CEP295NL: variants seen among roughly 807,000 people sequenced by gnomAD.
CEP295NL encodes CEP295 N-terminal like.
Under a neutral mutation model 4.6 loss-of-function variants are expected in CEP295NL, and 3 were observed. The ratio of observed to expected loss-of-function variants is 0.65; its 90% CI spans 0.30 to 1.69. CEP295NL has a LOEUF of 1.69. Ranked by LOEUF, CEP295NL falls within the 40% of genes most tolerant of loss-of-function variation. The pLI is 0.10. For missense variants in CEP295NL, 719 were observed against 769.0 expected (o/e 0.93, Z 0.77); for synonymous variants, 295 against 312.2 (o/e 0.94, Z 0.58).
In CEP295NL at chr17:78,890,859, G is replaced by C. The variant is rs895877559; in HGVS notation, c.1645C>G (p.Arg549Gly). 6.4e-6 allele frequency: 10 copies of C among 1,550,576 alleles called. No homozygotes were observed. Among genetic ancestry groups the C allele is most frequent in the Middle Eastern group, 1.7e-4 (1 of 5,992 alleles). The change falls in exon 3 of 3, where the codon CGA (arginine) becomes GGA (glycine). Residue 549 changes from arginine (R) to glycine (G), a missense_variant. Coordinates refer to ENST00000322630, the MANE Select transcript of CEP295NL (RefSeq NM_001243540.2). ...GAGGAGGACTTCAGATGGGCCAGTC[G>C]AGCTCTTCTTTGCTCCCTCCTCTCT... is the stretch of plus-strand genomic sequence containing the variant. ...EKERREQRRA[R>G]LAHLKSSSTR...
chr17:78,892,998 G>A (rs1330712933), intron 2 of CEP295NL, among the ~76,000 whole-genome samples: 8 of 152,178 alleles, frequency 5.3e-5, no homozygotes, highest in African/African-American at 1.9e-4. Flanking sequence ...CCTCTGGAGG[G>A]AGAATTGATC....
chr17:78,891,674 C>T lies in CEP295NL; in HGVS notation c.830G>A (p.Gly277Glu), dbSNP rs767007657. 6.4e-7 allele frequency: 1 copy of T among 1,550,998 alleles called. No homozygotes were observed. Among genetic ancestry groups the T allele is most frequent in the African/African-American group, 1.4e-5 (1 of 73,038 alleles). Residue 277 changes from glycine (G) to glutamate (E), a missense_variant, in exon 3 of 3, where the codon GGG (glycine) becomes GAG (glutamate). By Grantham distance (98) the Gly-to-Glu change is moderately conservative (BLOSUM62 -2). Coordinates refer to ENST00000322630, the MANE Select transcript of CEP295NL (RefSeq NM_001243540.2). This position sits in a 1 kb window ranked among gnomAD's most constrained non-coding sequence, Gnocchi z 4.5. ...EEKEKGTARA[G>E]RRQLGKGAVC... ...TGCCCCCTTTCCCAGTTGCCTCCTC[C>T]CCGCCCGAGCTGTTCCTTTCTCTTT...
At position 78,890,948 on chromosome 17, in the gene CEP295NL, G is replaced by A. The variant is rs752406666; in HGVS notation, c.1556C>T (p.Ser519Leu). ...ATCTGGGTGTTCCATTTGTTCAAGC[G>A]ATTCCAGTTGTTTTTGTCTTCTCTG... The part of the protein sequence containing the change: ...MEQRRQKQLE[S>L]LEQMEHPDMS... Residue 519 changes from serine to leucine, a missense_variant, in exon 3 of 3, where the codon TCG becomes TTG. By Grantham distance (145) the Ser-to-Leu change is moderately radical. Transcript: ENST00000322630. 1.9e-6 allele frequency: 3 copies of A among 1,551,020 alleles called. No individual in the cohort carries two copies. The highest frequency in any genetic ancestry group is 2.4e-5 in the East Asian group (1 of 40,924).
At chr17:78,894,238 A>C (rs2069963553) in intron 2 of CEP295NL, among the ~76,000 whole-genome samples, 1 of 152,006 alleles carries the variant, frequency 6.6e-6, no homozygotes, top group Non-Finnish European at 1.5e-5. Flanking sequence ...GGCAGAGATG[A>C]AGATGCTTAA....
intron 2 of CEP295NL, among the ~76,000 whole-genome samples, chr17:78,895,790 C>T (rs2069989771): frequency 2.0e-5 from 3 of 152,178 alleles, no homozygotes; most frequent in Non-Finnish European, 2.9e-5. Flanking sequence ...GTCGGGGCTG[C>T]TGTGAATGCC....
chr17:78,891,787 G>A lies in CEP295NL; in HGVS notation c.717C>T (p.Ala239=). ...PSTKSGGGRC[A]IHPRRSKGAD... is the part of the protein sequence containing the mutation. ...CCCCTTTGCTCCTCCGAGGATGGAT[G>A]GCACAGCGGCCACCCCCAGACTTGG... is the stretch of plus-strand genomic sequence containing the variant. The change falls in exon 3 of 3, where the codon GCC becomes GCT. Residue 239 remains alanine, a synonymous_variant. Transcript: ENST00000322630. The surrounding 1 kb of genome is among the most constrained non-coding windows in gnomAD (Gnocchi z 4.5). 2 of 1,551,140 alleles carry A rather than the reference G, an allele frequency of 1.3e-6. No individual in the cohort carries two copies. Among genetic ancestry groups the A allele is most frequent in the Non-Finnish European group, 1.7e-6 (2 of 1,147,114 alleles).
At position 78,890,635 on chromosome 17, in the gene CEP295NL, C is replaced by A. The variant is rs1443849898; in HGVS notation, c.*3G>T. On this transcript the variant is annotated 3_prime_UTR_variant, in exon 3 of 3. Coordinates refer to ENST00000322630, the MANE Select transcript of CEP295NL (RefSeq NM_001243540.2). ...GTATTTACCCCGGGTGGGCCTCTCG[C>A]ATTTAGCATATGTTCTGAAACTCCC... The A allele has an allele frequency of 6.5e-7, 1 of 1,548,196 alleles. No individual in the cohort carries two copies. The highest frequency in any genetic ancestry group is 2.0e-5 in the Admixed American group (1 of 50,948).
chr17:78,891,254 G>A lies in CEP295NL; in HGVS notation c.1250C>T (p.Ala417Val). Residue 417 changes from alanine (A) to valine (V), a missense_variant, in exon 3 of 3, where the codon GCA becomes GTA. By Grantham distance (64) the Ala-to-Val change is moderately conservative. Coordinates refer to ENST00000322630, the MANE Select transcript of CEP295NL (RefSeq NM_001243540.2). This position sits in a 1 kb window ranked among gnomAD's most constrained non-coding sequence, Gnocchi z 4.5. Reference sequence around the variant, plus strand: ...CGTTTTCAAGTCGGTCTTGGACGCTGCCTGCTGCGCCTCCTCCTCTGCTGG... The same window carrying A: ...CGTTTTCAAGTCGGTCTTGGACGCTACCTGCTGCGCCTCCTCCTCTGCTGG... ...RSPAEEEAQQAASKTDLKTFM... is the reference protein window; with the variant it reads ...RSPAEEEAQQVASKTDLKTFM... 6.4e-7 allele frequency: 1 copy of A among 1,550,630 alleles called. No individual in the cohort carries two copies. The highest frequency in any genetic ancestry group is 8.7e-7 in the Non-Finnish European group (1 of 1,147,008).
chr17:78,899,335 G>C (rs977905766), intron 2 of CEP295NL: 1 of 152,516 alleles, frequency 6.6e-6, no homozygotes, highest in Non-Finnish European at 1.5e-5. Flanking sequence ...GCAGCCCAGC[G>C]CTGTCTAACT....
chr17:78,900,915 A>T (rs1053960327), intron 2 of CEP295NL: 1 of 152,308 alleles, frequency 6.6e-6, no homozygotes, highest in African/African-American at 2.4e-5. Flanking sequence ...CTGAGTGAAC[A>T]GAAACGCCTC....
rs1251207558 is a variant in CEP295NL, at chr17:78,892,422, C to T, written c.82G>A (p.Gly28Ser). 1 of 1,549,868 alleles carries T rather than the reference C, an allele frequency of 6.5e-7. No individual in the cohort carries two copies. Among genetic ancestry groups the T allele is most frequent in the Admixed American group, 2.0e-5 (1 of 50,938 alleles). Residue 28 changes from glycine (G) to serine (S), a missense_variant, in exon 3 of 3, where the codon GGC (glycine) becomes AGC (serine). Gly to Ser is a moderately conservative substitution (Grantham distance 56). Coordinates refer to ENST00000322630, the MANE Select transcript of CEP295NL (RefSeq NM_001243540.2). ...GAGGGTTCAAGGGGCGCCCCCGGGC[C>T]TGAGGAGCCACAGAAGCCACAACGT... ...VERCGFCGSS[G>S]PGAPLEPSTL...
Position 78,891,852 on chromosome 17 carries a change from C to T in CEP295NL, c.652G>A (p.Ala218Thr), listed in dbSNP as rs1265848021. Residue 218 changes from alanine to threonine, a missense_variant, in exon 3 of 3, where the codon GCC (alanine) becomes ACC (threonine). Ala to Thr is a moderately conservative substitution (Grantham distance 58). Coordinates refer to ENST00000322630, the MANE Select transcript of CEP295NL (RefSeq NM_001243540.2). The surrounding 1 kb of genome is among the most constrained non-coding windows in gnomAD (Gnocchi z 4.5). ...CTTCCCTTTCTCTTCTCAGGCGGGGCCAGGTGAGAATTCATCCGACCCGTG... is the reference window on the plus strand; with the variant it reads ...CTTCCCTTTCTCTTCTCAGGCGGGGTCAGGTGAGAATTCATCCGACCCGTG... ...KATGRMNSHL[A>T]PPEKRKGRPE... 6.4e-7 allele frequency: 1 copy of T among 1,550,718 alleles called. No individual in the cohort carries two copies. The highest frequency in any genetic ancestry group is 1.2e-5 in the South Asian group (1 of 84,070).
In CEP295NL at chr17:78,896,952, A is replaced by G; in HGVS notation, c.45-4493T>C. The G allele has an allele frequency of 1.0e-6, 1 of 985,264 alleles. No individual in the cohort carries two copies. Among genetic ancestry groups the G allele is most frequent in the Non-Finnish European group, 1.2e-6 (1 of 829,896 alleles). The allele number at this position is 985,264 out of a possible 1,614,324, so 61.0% of individuals were successfully genotyped here. On this transcript the variant is annotated intron_variant, in intron 2 of 2. Coordinates refer to ENST00000322630, the MANE Select transcript of CEP295NL (RefSeq NM_001243540.2). The surrounding 1 kb of genome is among the most constrained non-coding windows in gnomAD (Gnocchi z 4.4). ...CAGCGATTCTCACCAAAGTCAGGCA[A>G]CCTCTGGCCTACAGCTTGAGAATGA...
At position 78,892,074 on chromosome 17, in the gene CEP295NL, G is replaced by T. The variant is rs745449724; in HGVS notation, c.430C>A (p.Arg144=). 1.3e-6 allele frequency: 2 copies of T among 1,551,772 alleles called. No homozygotes were observed. Among genetic ancestry groups the T allele is most frequent in the East Asian group, 2.4e-5 (1 of 40,964 alleles). ...GAGTCAGGCTCATTTTCCCTGGCCCGTCCTCCTCCCCAGCCCAACAGACGT... is the reference window on the plus strand; with the variant it reads ...GAGTCAGGCTCATTTTCCCTGGCCCTTCCTCCTCCCCAGCCCAACAGACGT... ...SARLLGWGGG[R]ARENEPDSQG... is the part of the protein sequence containing the mutation. The change falls in exon 3 of 3, where the codon CGG becomes AGG. Residue 144 remains arginine (R), a synonymous_variant. Coordinates refer to ENST00000322630, the MANE Select transcript of CEP295NL (RefSeq NM_001243540.2).
In CEP295NL at chr17:78,896,632, C is replaced by A. The variant is rs1014237966; in HGVS notation, c.45-4173G>T. Among the ~76,000 whole-genome samples the A allele has an allele frequency of 6.6e-6, 1 of 152,086 alleles. No individual in the cohort carries two copies. The highest frequency in any genetic ancestry group is 2.4e-5 in the African/African-American group (1 of 41,436). On this transcript the variant is annotated intron_variant, in intron 2 of 2. Coordinates refer to ENST00000322630, the MANE Select transcript of CEP295NL (RefSeq NM_001243540.2). The surrounding 1 kb of genome is among the most constrained non-coding windows in gnomAD (Gnocchi z 4.4). ...CCCTGCTGCCCTCTGGTCCTGCCAC[C>A]CCGAGCTGACAAGCCTGCCTTCTGC... is the stretch of plus-strand genomic sequence containing the variant.
chr17:78,892,233 G>T lies in CEP295NL; in HGVS notation c.271C>A (p.Leu91Ile). The change falls in exon 3 of 3, where the codon CTC (leucine) becomes ATC (isoleucine). Residue 91 changes from leucine (L) to isoleucine (I), a missense_variant. By Grantham distance (5) the Leu-to-Ile change is conservative (BLOSUM62 2). Transcript: ENST00000322630. ...KLLQARGKGD[L>I]ALQRRADAKL... ...GCATCCGCTCTTCTCTGCAGAGCGA[G>T]ATCGCCTTTGCCCCGGGCTTGTAGC... 1 of 1,551,026 alleles carries T rather than the reference G, an allele frequency of 6.4e-7. No homozygotes were observed. The highest frequency in any genetic ancestry group is 1.2e-5 in the South Asian group (1 of 84,068).
chr17:78,902,047 G>A, intron 1 of CEP295NL, 121 bp from the exon 2 acceptor site: 1 of 524,888 alleles, frequency 1.9e-6, no homozygotes, highest in Non-Finnish European at 3.4e-6. Flanking sequence ...CCAGAGGCTT[G>A]GTTTTCGCCC....
At position 78,896,696 on chromosome 17, in the gene CEP295NL, C is replaced by G. The variant is rs567204702; in HGVS notation, c.45-4237G>C. On this transcript the variant is annotated intron_variant, in intron 2 of 2. Transcript: ENST00000322630. The surrounding 1 kb of genome is among the most constrained non-coding windows in gnomAD (Gnocchi z 4.4). The stretch of plus-strand genomic sequence containing the variant: ...CCACTCAGAGAAACCACAGCTCCCC[C>G]CTCCGCAGAAGCCGCGCTCGGAGCA... Among the ~76,000 whole-genome samples, 15 of 152,280 alleles carry G rather than the reference C, an allele frequency of 9.9e-5. No homozygotes were observed. Among genetic ancestry groups the G allele is most frequent in the African/African-American group, 2.4e-4 (10 of 41,550 alleles).
intron 2 of CEP295NL, chr17:78,901,358 C>A (rs957267877): frequency 9.3e-6 from 2 of 215,988 alleles, no homozygotes; most frequent in East Asian, 1.3e-4. Flanking sequence ...CTGTTCAAGA[C>A]CTAAAGGAGA....
Sources: allele counts gnomAD v4.1 joint callset (sites outside exome capture counted in the v4.1 genomes callset), GRCh38; gene constraint gnomAD v4.1.1; non-coding constraint Gnocchi (gnomAD v3.1); transcripts MANE v1.5; gene names NCBI Gene and HGNC (gene_info 2026-07-23, HGNC 2026-07-21).